The following LRMDA variants were observed in gnomAD, a reference collection of about 807,000 sequenced individuals.
LRMDA encodes leucine-rich melanocyte differentiation-associated protein.
A neutral mutation model predicts 29.8 loss-of-function variants in LRMDA; 18 were observed. That is an observed-to-expected ratio of 0.60 (90% CI 0.42 to 0.90). The LOEUF (loss-of-function observed/expected upper bound fraction) is 0.90. Among genes scored for constraint, LRMDA ranks in the 40% least tolerant of loss-of-function variants. LRMDA has a pLI of 0.00. For missense variants in LRMDA, 273 were observed against 273.9 expected (o/e 1.00, Z 0.02); for synonymous variants, 125 against 109.4 (o/e 1.14, Z -0.89).
intron 2 of LRMDA, among the ~76,000 whole-genome samples, chr10:75,717,671 T>A (rs1444759830): frequency 6.6e-6 from 1 of 152,196 alleles, no homozygotes; most frequent in Non-Finnish European, 1.5e-5. Context: ...ACCTCATTAA[T>A]GTCCCTGCAC....
At chr10:75,493,378 TGTGTGTGTGTGA>T in intron 2 of LRMDA, among the ~76,000 whole-genome samples, 1 of 151,036 alleles carries the variant, frequency 6.6e-6, no homozygotes, top group South Asian at 2.1e-4. Context: ...TGTGTGTGTG[TGTGTGTGTGTGA>T]AGTCCATGAA....
At chr10:76,273,407 T>G (rs1840091572) in intron 5 of LRMDA, among the ~76,000 whole-genome samples, 1 of 152,228 alleles carries the variant, frequency 6.6e-6, no homozygotes, top group Non-Finnish European at 1.5e-5. Context: ...TATCACATTA[T>G]AGATGCTAAA....
intron 2 of LRMDA, among the ~76,000 whole-genome samples, chr10:75,649,601 T>G (rs1344794699): frequency 6.6e-6 from 1 of 152,242 alleles, no homozygotes; most frequent in Non-Finnish European, 1.5e-5. Flanking sequence ...CTGTGAATAA[T>G]GCTGCTGTAA....
chr10:76,387,066 A>G (rs1841668407), intron 6 of LRMDA, among the ~76,000 whole-genome samples: 1 of 152,212 alleles, frequency 6.6e-6, no homozygotes, highest in Non-Finnish European at 1.5e-5. Flanking sequence ...CAATGATGCT[A>G]TCTTTCTTAC....
chr10:76,375,783 G>A (rs771714761), intron 6 of LRMDA, among the ~76,000 whole-genome samples: 5 of 149,786 alleles, frequency 3.3e-5, no homozygotes, highest in Admixed American at 6.7e-5. Flanking sequence ...TACCAATACA[G>A]TGTAAAGTGG....
chr10:76,505,619 G>C (rs373515442), intron 6 of LRMDA, among the ~76,000 whole-genome samples: 1 of 151,886 alleles, frequency 6.6e-6, no homozygotes, highest in African/African-American at 2.4e-5. Context: ...AGTTCAGTTT[G>C]GTTCTTTTTT....
intron 2 of LRMDA, among the ~76,000 whole-genome samples, chr10:75,917,064 C>G (rs1845946789): frequency 1.3e-5 from 2 of 152,188 alleles, no homozygotes; most frequent in Admixed American, 1.3e-4. Flanking sequence ...TTTACATAAA[C>G]CTAGCAACAG....
intron 6 of LRMDA, among the ~76,000 whole-genome samples, chr10:76,486,327 A>G (rs1460327227): frequency 6.6e-6 from 1 of 151,896 alleles, no homozygotes; most frequent in Non-Finnish European, 1.5e-5. Context: ...TGCCCAGTGC[A>G]TGCATTAGTC....
At chr10:76,243,044 G>C (rs1316995133) in intron 5 of LRMDA, among the ~76,000 whole-genome samples, 1 of 152,046 alleles carries the variant, frequency 6.6e-6, no homozygotes, top group Non-Finnish European at 1.5e-5. Context: ...AGAACATCTC[G>C]TATAAACAGC....
intron 2 of LRMDA, among the ~76,000 whole-genome samples, chr10:75,553,794 A>G (rs1166712920): frequency 6.6e-6 from 1 of 152,026 alleles, no homozygotes; most frequent in Non-Finnish European, 1.5e-5. Context: ...GAAGTAGGCA[A>G]GATTTCATGC....
intron 6 of LRMDA, among the ~76,000 whole-genome samples, chr10:76,379,197 G>GTGTA (rs1841559788): frequency 6.6e-6 from 1 of 151,290 alleles, no homozygotes; most frequent in Non-Finnish European, 1.5e-5. Flanking sequence ...GTGTGTGTGT[G>GTGTA]TGTGTCCTTG....
At chr10:76,233,192 A>G (rs1272273754) in intron 5 of LRMDA, among the ~76,000 whole-genome samples, 1 of 152,222 alleles carries the variant, frequency 6.6e-6, no homozygotes, top group Non-Finnish European at 1.5e-5. Flanking sequence ...CCAATAAAAC[A>G]AAAATTGCAA....
At chr10:75,894,708 A>C (rs2132357161) in intron 2 of LRMDA, among the ~76,000 whole-genome samples, 1 of 152,330 alleles carries the variant, frequency 6.6e-6, no homozygotes, top group East Asian at 1.9e-4. Flanking sequence ...GATGGGGAGC[A>C]CTGCAAGACT....
intron 5 of LRMDA, among the ~76,000 whole-genome samples, chr10:76,181,646 G>A (rs535748699): frequency 7.9e-5 from 12 of 152,348 alleles, no homozygotes; most frequent in African/African-American, 2.9e-4. Flanking sequence ...AGAGGCCAGA[G>A]ATAAGGACCT....
intron 2 of LRMDA, among the ~76,000 whole-genome samples, chr10:75,701,436 C>T (rs1053764677): frequency 3.3e-5 from 5 of 152,168 alleles, no homozygotes; most frequent in Non-Finnish European, 5.9e-5. Flanking sequence ...GCTTCAGTCT[C>T]CTTTCTGATC....
intron 6 of LRMDA, among the ~76,000 whole-genome samples, chr10:76,387,656 A>AGGG (rs1414541031): frequency 6.6e-5 from 10 of 152,168 alleles, no homozygotes; most frequent in Non-Finnish European, 1.3e-4. Context: ...AACCCACAAA[A>AGGG]ATAAGTCTTT....
At chr10:76,176,748 G>A (rs1176921069) in intron 5 of LRMDA, among the ~76,000 whole-genome samples, 3 of 152,170 alleles carry the variant, frequency 2.0e-5, no homozygotes, top group African/African-American at 4.8e-5. Flanking sequence ...AGCCAAGATC[G>A]TACCACTGCA....
At chr10:76,329,475 G>T (rs1564725828) in intron 6 of LRMDA, among the ~76,000 whole-genome samples, 1 of 152,140 alleles carries the variant, frequency 6.6e-6, no homozygotes, top group African/African-American at 2.4e-5. Flanking sequence ...CATTGAACTT[G>T]AAATGTGTAA....
At chr10:75,768,258 A>C (rs1843194872) in intron 2 of LRMDA, among the ~76,000 whole-genome samples, 1 of 152,228 alleles carries the variant, frequency 6.6e-6, no homozygotes, top group African/African-American at 2.4e-5. Flanking sequence ...ATTCTCCTTC[A>C]TTGATGGACT....
Sources: gnomAD v4.1 joint callset for allele counts (sites outside exome capture counted in the v4.1 genomes callset) on GRCh38, gnomAD v4.1.1 for gene constraint, MANE v1.5 for transcripts, NCBI Gene and HGNC (gene_info 2026-07-23, HGNC 2026-07-21) for gene names.